Variants in ALOX5AP observed in about 807,000 individuals in gnomAD.
ALOX5AP encodes arachidonate 5-lipoxygenase-activating protein.
ALOX5AP carries 9 observed loss-of-function variants against 18.5 expected under a neutral mutation model. The observed-to-expected ratio is 0.49, with a 90% confidence interval of 0.29 to 0.85. The LOEUF (loss-of-function observed/expected upper bound fraction) is 0.85. ALOX5AP is among the 40% of genes least tolerant of loss of function. ALOX5AP has a pLI of 0.08. For synonymous variants in ALOX5AP, 81 were observed against 78.6 expected, an observed-to-expected ratio of 1.03 and a Z score of -0.16; for missense variants, 172 against 202.5, an observed-to-expected ratio of 0.85 and a Z score of 0.91.
chr13:30,713,852 GTGTGCGCGCACACGCGCA>G (rs1273567614), intron 1 of ALOX5AP: 2 of 1,535,292 alleles, frequency 1.3e-6, no homozygotes, highest in South Asian at 2.4e-5. Flanking sequence ...GTGTGTGTGT[GTGTGCGCGCACACGCGCA>G]TGTGTGTGCA....
chr13:30,716,931 C>T (rs929447804), intron 1 of ALOX5AP, among the ~76,000 whole-genome samples: 2 of 152,244 alleles, frequency 1.3e-5, no homozygotes, highest in Non-Finnish European at 2.9e-5. Flanking sequence ...CGTGGAGTCA[C>T]GGACAGCGCC....
At chr13:30,739,077 C>T (rs189200048) in intron 1 of ALOX5AP, among the ~76,000 whole-genome samples, 162 of 152,066 alleles carry the variant, frequency 1.1e-3, no homozygotes, top group African/African-American at 3.4e-3. Context: ...TACAGTAACC[C>T]CCAACCACCC....
At chr13:30,730,929 T>G (rs753906497), upstream of ALOX5AP, among the ~76,000 whole-genome samples, 4 of 152,150 alleles carry the variant, frequency 2.6e-5, no homozygotes, top group Non-Finnish European at 5.9e-5. Flanking sequence ...GTGCTAATTA[T>G]TCTTGCCTAC....
chr13:30,738,082 A>G (rs1257011129), intron 1 of ALOX5AP, among the ~76,000 whole-genome samples: 1 of 152,206 alleles, frequency 6.6e-6, no homozygotes, highest in African/African-American at 2.4e-5. Context: ...TAGTTAAAAA[A>G]AGATTTCCAT....
At chr13:30,732,042 G>A (rs1166788369), upstream of ALOX5AP, among the ~76,000 whole-genome samples, 1 of 152,206 alleles carries the variant, frequency 6.6e-6, no homozygotes. Flanking sequence ...TAATGTGCGC[G>A]CTGTAATTTA....
chr13:30,744,182 C>G (rs1255489808), intron 2 of ALOX5AP, 23 bp downstream of exon 2: 3 of 1,606,658 alleles, frequency 1.9e-6, no homozygotes, highest in South Asian at 2.2e-5. Context: ...CCTGATGTTG[C>G]TAATAAGTGG....
At chr13:30,716,686 C>T (rs948818536) in intron 1 of ALOX5AP, among the ~76,000 whole-genome samples, 3 of 152,196 alleles carry the variant, frequency 2.0e-5, no homozygotes, top group Admixed American at 1.3e-4. Flanking sequence ...GGAGGGGACA[C>T]AGTCCACAAA....
At chr13:30,733,540 C>A (rs1951697906), upstream of ALOX5AP, among the ~76,000 whole-genome samples, 1 of 152,184 alleles carries the variant, frequency 6.6e-6, no homozygotes, top group Admixed American at 6.5e-5. Flanking sequence ...TGAGCCCTAA[C>A]CAATCTTGTA....
intron 1 of ALOX5AP, among the ~76,000 whole-genome samples, chr13:30,741,831 GTTTTTT>G (rs770976174): frequency 2.2e-5 from 3 of 133,954 alleles, no homozygotes; most frequent in African/African-American, 8.5e-5. Context: ...ATGGTTTTCT[GTTTTTT>G]TTTTTTTTTT....
At chr13:30,723,958 C>A (rs184233241) in intron 1 of ALOX5AP, among the ~76,000 whole-genome samples, 1 of 152,112 alleles carries the variant, frequency 6.6e-6, no homozygotes, top group Non-Finnish European at 1.5e-5. Context: ...AGTTACATAC[C>A]ATAAAAGTAC....
intron 4 of ALOX5AP, among the ~76,000 whole-genome samples, chr13:30,762,776 C>T (rs1448955415): frequency 2.0e-5 from 3 of 152,038 alleles, no homozygotes; most frequent in South Asian, 2.1e-4. Flanking sequence ...TCTTGTTGTG[C>T]GGTCCTGATT....
intron 1 of ALOX5AP, among the ~76,000 whole-genome samples, chr13:30,743,310 G>T (rs1406359186): frequency 6.6e-6 from 1 of 151,956 alleles, no homozygotes; most frequent in African/African-American, 2.4e-5. Flanking sequence ...TATGTATTTT[G>T]CTTAATGTGG....
Position 30,763,181 on chromosome 13 carries a change from G to A in ALOX5AP, c.324-763G>A, listed in dbSNP as rs571763753. On this transcript the variant is annotated intron_variant, in intron 4 of 4. Transcript: ENST00000380490. ...AAGTTAGCTGGGAGTGGTGGCGTGC[G>A]CCTGTAGTTGCAGCTACTTGGGAGG... Among the ~76,000 whole-genome samples, 50 of 152,226 alleles carry A rather than the reference G, an allele frequency of 3.3e-4. No homozygotes were observed. The East Asian group carries it at 6.6e-3, about 20-fold the overall frequency.
At chr13:30,742,815 A>C (rs1951777645) in intron 1 of ALOX5AP, among the ~76,000 whole-genome samples, 1 of 151,938 alleles carries the variant, frequency 6.6e-6, no homozygotes, top group African/African-American at 2.4e-5. Context: ...AAAAGGAGTA[A>C]AGGAATAAAA....
chr13:30,718,321 G>A (rs929665029), intron 1 of ALOX5AP, among the ~76,000 whole-genome samples: 2 of 150,766 alleles, frequency 1.3e-5, no homozygotes, highest in African/African-American at 4.9e-5. Context: ...TAACAAGACT[G>A]TAGTAAGGGC....
chr13:30,745,873 G>A (rs1193236430), intron 2 of ALOX5AP, among the ~76,000 whole-genome samples: 1 of 152,240 alleles, frequency 6.6e-6, no homozygotes, highest in African/African-American at 2.4e-5. Context: ...AGTTTGGAAA[G>A]AAAAACTTCT....
chr13:30,734,658 G>C (rs1476608857), upstream of ALOX5AP, among the ~76,000 whole-genome samples: 1 of 152,202 alleles, frequency 6.6e-6, no homozygotes, highest in African/African-American at 2.4e-5. Context: ...AGAATTTCCA[G>C]GAAGGTGTTT....
intron 1 of ALOX5AP, among the ~76,000 whole-genome samples, chr13:30,729,098 A>G (rs1951660407): frequency 6.6e-6 from 1 of 152,096 alleles, no homozygotes; most frequent in East Asian, 1.9e-4. Flanking sequence ...TTAGCAAAAT[A>G]TATGTTGTTA....
chr13:30,741,963 A>G, intron 1 of ALOX5AP, among the ~76,000 whole-genome samples: 1 of 151,942 alleles, frequency 6.6e-6, no homozygotes. Flanking sequence ...AAAGAAAATG[A>G]TCAGCATTTT....
Sources: allele counts gnomAD v4.1 joint callset (sites outside exome capture counted in the v4.1 genomes callset), GRCh38; gene constraint gnomAD v4.1.1; transcripts MANE v1.5; gene names NCBI Gene and HGNC (gene_info 2026-07-23, HGNC 2026-07-21).